The following BMPR1B variants were observed in gnomAD, a reference collection of about 807,000 sequenced individuals.
The protein encoded by BMPR1B is bone morphogenetic protein receptor type 1B.
A neutral mutation model predicts 59.1 loss-of-function variants in BMPR1B; 12 were observed. That is an observed-to-expected ratio of 0.20 (90% confidence interval 0.13 to 0.33). BMPR1B has a LOEUF of 0.33. Ranked by LOEUF, BMPR1B falls within the 10% of genes least tolerant of loss-of-function variation. The probability of loss-of-function intolerance (pLI) is 1.00; values close to 1 mark genes in which losing one functional copy is unlikely to be tolerated. For synonymous variants in BMPR1B, 237 were observed against 207.3 expected (o/e 1.14, Z -1.23); for missense variants, 550 against 610.9 (o/e 0.90, Z 1.05).
chr4:95,083,068 A>AATAC (rs1409232591), intron 3 of BMPR1B, among the ~76,000 whole-genome samples: 3 of 148,962 alleles, frequency 2.0e-5, no homozygotes, highest in Non-Finnish European at 4.5e-5. Context: ...AAAGAATCAT[A>AATAC]ATATGTTTGA....
At chr4:95,130,279 T>C (rs753088803) in intron 9 of BMPR1B, among the ~76,000 whole-genome samples, 12 of 152,194 alleles carry the variant, frequency 7.9e-5, no homozygotes, top group Non-Finnish European at 1.6e-4. Flanking sequence ...TGGAATACTC[T>C]CAAATATTTT....
At chr4:94,928,054 G>C (rs1396602489) in intron 2 of BMPR1B, among the ~76,000 whole-genome samples, 3 of 151,980 alleles carry the variant, frequency 2.0e-5, no homozygotes, top group Non-Finnish European at 2.9e-5. Flanking sequence ...AGTAAATGTA[G>C]GAATTTGGTA....
In BMPR1B at chr4:95,051,220, A is replaced by G. The variant is rs191783116; in HGVS notation, c.-17-53188A>G. On this transcript the variant is annotated intron_variant, in intron 3 of 12. Coordinates refer to ENST00000515059, the MANE Select transcript of BMPR1B (RefSeq NM_001203.3). ...ATTTTTGGCATTTCACTAAGTAAAA[A>G]CATTATTTCTTGTTTTCTTTTTACA... 1.7e-3 allele frequency among the ~76,000 whole-genome samples: 254 copies of G among 152,338 alleles called. 2 individuals carry two copies. The highest frequency in any genetic ancestry group is 5.9e-3 in the African/African-American group (247 of 41,578).
At chr4:94,872,810 A>C (rs1044898017) in intron 1 of BMPR1B, among the ~76,000 whole-genome samples, 1 of 152,256 alleles carries the variant, frequency 6.6e-6, no homozygotes, top group Non-Finnish European at 1.5e-5. Context: ...TTACTTACAT[A>C]ATGCTTTCTG....
At chr4:95,028,907 T>C (rs1309625023) in intron 3 of BMPR1B, among the ~76,000 whole-genome samples, 2 of 151,852 alleles carry the variant, frequency 1.3e-5, no homozygotes, top group Non-Finnish European at 2.9e-5. Context: ...ATGTTTAAAA[T>C]TGAGGAAGAA....
At chr4:95,081,992 T>G (rs1046525353) in intron 3 of BMPR1B, among the ~76,000 whole-genome samples, 1 of 151,548 alleles carries the variant, frequency 6.6e-6, no homozygotes, top group African/African-American at 2.4e-5. Flanking sequence ...TACTTTTTTA[T>G]TATTATTATA....
At chr4:94,978,464 G>T (rs1441357638) in intron 2 of BMPR1B, among the ~76,000 whole-genome samples, 1 of 152,114 alleles carries the variant, frequency 6.6e-6, no homozygotes, top group Non-Finnish European at 1.5e-5. Flanking sequence ...TGGATGGTTT[G>T]GCCTTTCTGC....
intron 3 of BMPR1B, among the ~76,000 whole-genome samples, chr4:95,057,161 G>T (rs1726992253): frequency 6.6e-6 from 1 of 152,106 alleles, no homozygotes; most frequent in African/African-American, 2.4e-5. Flanking sequence ...CATACTTATA[G>T]TTTCTTGCTT....
At position 94,993,110 on chromosome 4, in the gene BMPR1B, C is replaced by T. The variant is rs149048847; in HGVS notation, c.-112-2930C>T. Among the ~76,000 whole-genome samples the T allele has an allele frequency of 1.3e-3, 194 of 152,180 alleles. 1 individual carries two copies. The highest frequency in any genetic ancestry group is 4.0e-3 in the African/African-American group (166 of 41,536). ...CTTGCTATGTTTCCCAGGCTGGTCT[C>T]GAACTTCTGGCCTCAAGAAATCCTT... On this transcript the variant is annotated intron_variant, in intron 2 of 12. Coordinates refer to ENST00000515059, the MANE Select transcript of BMPR1B (RefSeq NM_001203.3).
At chr4:95,091,665 G>GT (rs901839788) in intron 3 of BMPR1B, 5,825 of 857,372 alleles carry the variant, frequency 6.8e-3, no homozygotes, top group Non-Finnish European at 7.4e-3. Flanking sequence ...CACAGAGACT[G>GT]TTTTTTTTTT....
At chr4:94,849,661 G>C (rs1359107205) in intron 1 of BMPR1B, among the ~76,000 whole-genome samples, 1 of 152,060 alleles carries the variant, frequency 6.6e-6, no homozygotes, top group African/African-American at 2.4e-5. Flanking sequence ...CAAAAACAGG[G>C]ACAGGGGGAT....
chr4:94,834,105 C>A (rs1724705448), intron 1 of BMPR1B, among the ~76,000 whole-genome samples: 1 of 152,142 alleles, frequency 6.6e-6, no homozygotes, highest in Non-Finnish European at 1.5e-5. Flanking sequence ...CATTGCCAGT[C>A]ATTTCCCATT....
chr4:95,115,598 T>C (rs1211189788), intron 5 of BMPR1B, 87 bp from the exon 6 acceptor site: 3 of 1,122,248 alleles, frequency 2.7e-6, no homozygotes, highest in Non-Finnish European at 4.1e-6. Flanking sequence ...ATTAGTTCTC[T>C]AAATAGTGAC....
At chr4:94,807,135 C>T (rs376258294) in intron 1 of BMPR1B, among the ~76,000 whole-genome samples, 9 of 152,112 alleles carry the variant, frequency 5.9e-5, no homozygotes, top group Non-Finnish European at 8.8e-5. Flanking sequence ...CACTCTGTCA[C>T]TCATGTTGGA....
chr4:94,884,546 C>G (rs770730038), intron 2 of BMPR1B, among the ~76,000 whole-genome samples: 1 of 151,898 alleles, frequency 6.6e-6, no homozygotes, highest in Admixed American at 6.6e-5. Context: ...AAAAGCTGAC[C>G]TCAAGTCAGT....
chr4:94,764,067 GTT>G (rs1721875457), intron 1 of BMPR1B, among the ~76,000 whole-genome samples: 1 of 152,020 alleles, frequency 6.6e-6, no homozygotes, highest in South Asian at 2.1e-4. Flanking sequence ...TTTGTCAAGA[GTT>G]TCTTCTGTAT....
intron 1 of BMPR1B, among the ~76,000 whole-genome samples, chr4:94,853,129 C>T (rs1272440153): frequency 3.3e-5 from 5 of 151,972 alleles, no homozygotes; most frequent in Non-Finnish European, 7.4e-5. Context: ...AGTACTAATT[C>T]GAAATTGTAT....
chr4:94,867,009 G>T (rs1726274201), intron 1 of BMPR1B, among the ~76,000 whole-genome samples: 1 of 152,116 alleles, frequency 6.6e-6, no homozygotes, highest in Admixed American at 6.5e-5. Flanking sequence ...ATCCAGTAGG[G>T]CCCCATATTG....
At chr4:95,133,850 A>G (rs12644188) in intron 10 of BMPR1B, among the ~76,000 whole-genome samples, 70,237 of 151,162 alleles carry the variant, frequency 0.46, 17,835 homozygotes, top group Admixed American at 0.59. Flanking sequence ...GATTATAGGC[A>G]TGAGCCACCA....
Sources: allele counts gnomAD v4.1 joint callset (sites outside exome capture counted in the v4.1 genomes callset), GRCh38; gene constraint gnomAD v4.1.1; transcripts MANE v1.5; gene names NCBI Gene and HGNC (gene_info 2026-07-23, HGNC 2026-07-21).